The following FAM234A variants were observed in gnomAD, a reference collection of about 807,000 sequenced individuals.
FAM234A encodes the protein family with sequence similarity 234 member A, also known as protein FAM234A.
Under a neutral mutation model 49.1 loss-of-function variants are expected in FAM234A, and 42 were observed. That is an observed-to-expected ratio of 0.86 (90% CI 0.67 to 1.11). FAM234A has a LOEUF of 1.11. Ranked by LOEUF, FAM234A falls within the 50% of genes least tolerant of loss-of-function variation. FAM234A has a pLI of 0.00. For synonymous variants in FAM234A, 369 were observed against 316.2 expected (o/e 1.17, Z -1.77); for missense variants, 815 against 745.2 (o/e 1.09, Z -1.09).
intron 8 of FAM234A, 122 bp from the exon 9 acceptor site, chr16:263,140 C>G: frequency 1.6e-6 from 2 of 1,223,276 alleles, no homozygotes; most frequent in Non-Finnish European, 2.3e-6. Context: ...AGCTGTAGAA[C>G]TGAGAAACGG....
rs1448414925 is a variant in FAM234A at position 259,586 on chromosome 16, C to T, written c.372C>T (p.Ser124=). 4.4e-6 allele frequency: 7 copies of T among 1,598,094 alleles called. No individual in the cohort carries two copies. The highest frequency in any genetic ancestry group is 1.3e-5 in the African/African-American group (1 of 74,500). ...ACAGCAGCAACAATTTCAGCCGATCCTGTGTGGACGAAGGTAATTTCATTT... is the reference window on the plus strand; with the variant it reads ...ACAGCAGCAACAATTTCAGCCGATCTTGTGTGGACGAAGGTAATTTCATTT... ...NTNSSNNFSR[S]CVDEGFSSPC... Residue 124 remains serine, a synonymous_variant, in exon 4 of 13, where the codon TCC becomes TCT. Transcript: ENST00000399932.
intron 5 of FAM234A, chr16:260,892 G>A (rs889624846): frequency 6.1e-6 from 2 of 329,134 alleles, no homozygotes; most frequent in South Asian, 2.3e-5. Flanking sequence ...GCCTCCGGGC[G>A]CACACCTCCA....
chr16:269,466 C>T (rs776155848), downstream of FAM234A: 11 of 1,606,434 alleles, frequency 6.8e-6, no homozygotes, highest in Non-Finnish European at 9.4e-6. Flanking sequence ...AGCCCCCAGG[C>T]CACAGCCGCC....
chr16:260,318 C>T, intron 5 of FAM234A, 158 bp downstream of exon 5: 1 of 694,154 alleles, frequency 1.4e-6, no homozygotes. Context: ...CCAAGTGAGG[C>T]TGCAAGCGTG....
chr16:249,104 G>C (rs1212042703), intron 1 of FAM234A, among the ~76,000 whole-genome samples: 1 of 151,974 alleles, frequency 6.6e-6, no homozygotes, highest in Non-Finnish European at 1.5e-5. Flanking sequence ...TAAGCTTGCT[G>C]TGAACTCCAA....
intron 3 of FAM234A, 125 bp from the exon 4 acceptor site, chr16:259,358 C>T (rs1342957534): frequency 1.8e-5 from 12 of 661,896 alleles, no homozygotes; most frequent in East Asian, 1.2e-4. Context: ...AAGAAGCCAC[C>T]GTCCTCGTTG....
At chr16:258,134 G>A (rs1160565037) in intron 3 of FAM234A, among the ~76,000 whole-genome samples, 2 of 151,398 alleles carry the variant, frequency 1.3e-5, no homozygotes, top group African/African-American at 4.9e-5. Flanking sequence ...GATTACAGGC[G>A]TGAGCCACCT....
chr16:240,900 C>T (rs922240843), intron 1 of FAM234A, among the ~76,000 whole-genome samples: 1 of 152,064 alleles, frequency 6.6e-6, no homozygotes, highest in African/African-American at 2.4e-5. Context: ...TAGTTTTCCT[C>T]TAAATATTAA....
At chr16:253,618 G>A (rs1042775312) in intron 2 of FAM234A, among the ~76,000 whole-genome samples, 6 of 151,986 alleles carry the variant, frequency 3.9e-5, no homozygotes, top group African/African-American at 1.4e-4. Flanking sequence ...GGGACTACAG[G>A]TGCCCGCCAC....
Position 262,170 on chromosome 16 carries a change from T to C in FAM234A, c.786T>C (p.Ser262=). Residue 262 remains serine, a synonymous_variant, in exon 7 of 13, where the codon AGT becomes AGC. Transcript: ENST00000399932. ...LRGSLGVDGE[S]GFLLHVTRTG... ...GCAGCCTTGGTGTGGACGGGGAAAG[T>C]GGCTTCCTCCTTCACGTCACCAGGA... 6.2e-7 allele frequency: 1 copy of C among 1,614,004 alleles called. No individual in the cohort carries two copies. Among genetic ancestry groups the C allele is most frequent in the African/African-American group, 1.3e-5 (1 of 75,060 alleles).
At chr16:245,612 T>C (rs892726398) in intron 1 of FAM234A, among the ~76,000 whole-genome samples, 1 of 152,082 alleles carries the variant, frequency 6.6e-6, no homozygotes, top group East Asian at 1.9e-4. Context: ...GTTGGAAGAA[T>C]TGTCTTGGGC....
chr16:264,183 A>C lies in FAM234A; in HGVS notation c.1344+12A>C. On this transcript the variant is annotated intron_variant, in intron 11 of 12. Transcript: ENST00000399932. ...GCACCAGCGAGACGGTACGGGAGCC[A>C]CCCTCGGAGCAGCCATGCTGGGAGC... 1 of 1,587,830 alleles carries C rather than the reference A, an allele frequency of 6.3e-7. No homozygotes were observed. Among genetic ancestry groups the C allele is most frequent in the Non-Finnish European group, 8.5e-7 (1 of 1,172,550 alleles).
chr16:244,254 C>T lies in FAM234A; in HGVS notation c.-139-5295C>T, dbSNP rs570978142. 6.4e-4 allele frequency among the ~76,000 whole-genome samples: 97 copies of T among 152,330 alleles called. 1 individual carries two copies. The South Asian group carries it at 0.017, about 27-fold the overall frequency. On this transcript the variant is annotated intron_variant, in intron 1 of 12. Coordinates refer to ENST00000399932, the MANE Select transcript of FAM234A (RefSeq NM_032039.4). ...AAGTGCTGGGATTACAGGCGTGAGC[C>T]ACCGCGCCCGGTCGGAAAATGATTT... is the stretch of plus-strand genomic sequence containing the variant.
chr16:256,834 C>T (rs992136962), intron 3 of FAM234A, among the ~76,000 whole-genome samples: 1 of 151,936 alleles, frequency 6.6e-6, no homozygotes, highest in Admixed American at 6.6e-5. Flanking sequence ...TCGCCACCTC[C>T]CAGATTCAAG....
Position 261,615 on chromosome 16 carries a change from T to A in FAM234A, c.708+101T>A. ...TGCCACTTCCCAGACAGGATTCGGG[T>A]CTGACCACTTGCCGGGGACTCGCCC... On this transcript the variant is annotated intron_variant, in intron 6 of 12. Coordinates refer to ENST00000399932, the MANE Select transcript of FAM234A (RefSeq NM_032039.4). 5 of 1,403,316 alleles carry A rather than the reference T, an allele frequency of 3.6e-6. No homozygotes were observed. In the South Asian group the frequency reaches 4.0e-5, roughly 11 times the overall value. The allele number at this position is 1,403,316 out of a possible 1,614,324, so 86.9% of individuals were successfully genotyped here.
chr16:257,020 G>C (rs1245841768), intron 3 of FAM234A, among the ~76,000 whole-genome samples: 1 of 152,110 alleles, frequency 6.6e-6, no homozygotes, highest in African/African-American at 2.4e-5. Flanking sequence ...GGGATTACAG[G>C]CACGTGCCAC....
intron 3 of FAM234A, among the ~76,000 whole-genome samples, chr16:258,853 G>T (rs983381336): frequency 2.0e-5 from 3 of 152,136 alleles, no homozygotes; most frequent in Non-Finnish European, 4.4e-5. Flanking sequence ...GTGCAATCTC[G>T]CTCACTGCAA....
At position 247,232 on chromosome 16, in the gene FAM234A, G is replaced by A. The variant is rs142813751; in HGVS notation, c.-139-2317G>A. On this transcript the variant is annotated intron_variant, in intron 1 of 12. Coordinates refer to ENST00000399932, the MANE Select transcript of FAM234A (RefSeq NM_032039.4). ...TGCAGCCTCCACTTCCTGGCTTCAA[G>A]TGACCCTCCCACCTCAGCTCCTGGG... is the stretch of plus-strand genomic sequence containing the variant. Among the ~76,000 whole-genome samples, 9 of 151,940 alleles carry A rather than the reference G, an allele frequency of 5.9e-5. No homozygotes were observed. In the East Asian group the frequency reaches 1.7e-3, roughly 29 times the overall value.
In FAM234A at chr16:254,806, G is replaced by A. The variant is rs568287066; in HGVS notation, c.268+125G>A. On this transcript the variant is annotated intron_variant, in intron 3 of 12. Transcript: ENST00000399932. ...TTAAACAGTGAATCAATCCCAAGAG[G>A]CTGCCAGTTCTATGTCCAAGGTTTT... is the stretch of plus-strand genomic sequence containing the variant. 2.4e-4 allele frequency: 221 copies of A among 938,508 alleles called. No homozygotes were observed. The African/African-American group carries it at 2.7e-3, about 11-fold the overall frequency. 58.1% of individuals were successfully genotyped at this position (938,508 alleles called of 1,614,324 possible).
Sources: allele counts gnomAD v4.1 joint callset (sites outside exome capture counted in the v4.1 genomes callset), GRCh38; gene constraint gnomAD v4.1.1; transcripts MANE v1.5; gene names NCBI Gene and HGNC (gene_info 2026-07-23, HGNC 2026-07-21).